Variants in CIITA observed in about 807,000 individuals in gnomAD.
The protein encoded by CIITA is class II major histocompatibility complex transactivator.
In CIITA, 72 loss-of-function variants were observed where a neutral mutation model predicts 115.1. The ratio of observed to expected loss-of-function variants is 0.63; its 90% confidence interval spans 0.52 to 0.76. CIITA has a LOEUF of 0.76. Among genes scored for constraint, CIITA ranks in the 30% least tolerant of loss-of-function variants. The pLI, the probability that CIITA is intolerant of heterozygous loss-of-function variation, is 0.00. For missense variants in CIITA, 1,617 were observed against 1,463.8 expected (o/e 1.10, Z -1.71); for synonymous variants, 763 against 635.6 (o/e 1.20, Z -3.02).
intron 1 of CIITA, among the ~76,000 whole-genome samples, chr16:10,884,469 C>T (rs1167684274): frequency 6.6e-6 from 1 of 152,144 alleles, no homozygotes; most frequent in Non-Finnish European, 1.5e-5. Flanking sequence ...GGTTGGAGTG[C>T]AGTGGCACAG....
intron 13 of CIITA, among the ~76,000 whole-genome samples, chr16:10,913,853 A>G (rs2039759339): frequency 6.6e-6 from 1 of 151,968 alleles, no homozygotes; most frequent in Admixed American, 6.6e-5. Context: ...AGGCAGGAGA[A>G]TCATTTGAAA....
chr16:10,921,781 T>C (rs2040285129), intron 16 of CIITA, among the ~76,000 whole-genome samples: 1 of 152,192 alleles, frequency 6.6e-6, no homozygotes, highest in East Asian at 1.9e-4. Flanking sequence ...CTCTGGGTCT[T>C]GGTTTGCCTG....
chr16:10,876,073 C>T (rs1012456347), upstream of CIITA, among the ~76,000 whole-genome samples: 4 of 152,150 alleles, frequency 2.6e-5, no homozygotes, highest in African/African-American at 9.7e-5. Context: ...TCAGTTGAAC[C>T]CAGAACCCGG....
At chr16:10,899,761 G>A (rs2038520360) in intron 5 of CIITA, among the ~76,000 whole-genome samples, 1 of 152,200 alleles carries the variant, frequency 6.6e-6, no homozygotes, top group South Asian at 2.1e-4. Context: ...CGCACACAGG[G>A]TATGAGATTT....
chr16:10,903,965 A>T, intron 9 of CIITA, 70 bp downstream of exon 9: 1 of 1,602,470 alleles, frequency 6.2e-7, no homozygotes, highest in Non-Finnish European at 8.5e-7. Flanking sequence ...AATTGTCTCA[A>T]ATAAGATCCA....
chr16:10,941,555 G>T lies in CIITA; in HGVS notation n.681G>T, dbSNP rs1192850703. On this transcript the variant is annotated non_coding_transcript_exon_variant, in exon 2 of 2. Coordinates refer to the CIITA transcript ENST00000573379. The surrounding 1 kb of genome is among the most constrained non-coding windows in gnomAD (Gnocchi z 6.4). Reference sequence around the variant, plus strand: ...CCCCAACCCGCCCTCATCCTGTTCAGAGAGGGCACTTACAGGCCTCGGAGG... The same window carrying T: ...CCCCAACCCGCCCTCATCCTGTTCATAGAGGGCACTTACAGGCCTCGGAGG... 2 of 1,444,432 alleles carry T rather than the reference G, an allele frequency of 1.4e-6. No individual in the cohort carries two copies. Among genetic ancestry groups the T allele is most frequent in the Non-Finnish European group, 1.8e-6 (2 of 1,096,986 alleles). 89.5% of individuals were successfully genotyped at this position (1,444,432 alleles called of 1,614,324 possible).
rs907734223 is a variant in CIITA, at chr16:10,924,239, C to G, written c.*384C>G. The G allele has an allele frequency of 4.0e-5, 6 of 151,808 alleles. No individual in the cohort carries two copies. Among genetic ancestry groups the G allele is most frequent in the African/African-American group, 1.5e-4 (6 of 41,258 alleles). 9.4% of individuals were successfully genotyped at this position (151,808 alleles called of 1,614,324 possible). ...CTGCCACCCTGGGGAGAAAGTACTT[C>G]TTTTTTTTTATTTTTAGACAGAGTC... On this transcript the variant is annotated 3_prime_UTR_variant, in exon 20 of 20. Coordinates refer to ENST00000324288, the MANE Select transcript of CIITA (RefSeq NM_000246.4).
intron 16 of CIITA, among the ~76,000 whole-genome samples, chr16:10,921,015 T>G (rs1470800038): frequency 6.6e-6 from 1 of 152,198 alleles, no homozygotes; most frequent in Non-Finnish European, 1.5e-5. Flanking sequence ...AGTATAGGCA[T>G]GTGCCATCAC....
At chr16:10,880,155 C>T (rs1053211721) in intron 1 of CIITA, among the ~76,000 whole-genome samples, 2 of 152,208 alleles carry the variant, frequency 1.3e-5, no homozygotes, top group African/African-American at 2.4e-5. Flanking sequence ...GACCTGGTCT[C>T]CAACAATCTC....
In CIITA at chr16:10,941,914, A is replaced by T. The variant is rs1191739878; in HGVS notation, n.1040A>T. 1.2e-6 allele frequency: 2 copies of T among 1,606,506 alleles called. No individual in the cohort carries two copies. Among genetic ancestry groups the T allele is most frequent in the Non-Finnish European group, 1.7e-6 (2 of 1,177,418 alleles). ...CAGCACATTGACGAAGAACAGGCCC[A>T]CGTAGAACATAGAGGGCAGCAGCGG... On this transcript the variant is annotated non_coding_transcript_exon_variant, in exon 2 of 2. Coordinates refer to the CIITA transcript ENST00000573379. The surrounding 1 kb of genome is among the most constrained non-coding windows in gnomAD (Gnocchi z 6.4).
intron 1 of CIITA, among the ~76,000 whole-genome samples, chr16:10,893,062 G>T (rs2037756114): frequency 6.6e-6 from 1 of 152,166 alleles, no homozygotes; most frequent in South Asian, 2.1e-4. Context: ...AGGTGATGTG[G>T]CCACTAAAGC....
Position 10,906,950 on chromosome 16 carries a change from C to T in CIITA, c.1458C>T (p.His486=). Residue 486 remains histidine (H), a synonymous_variant, in exon 11 of 20, where the codon CAC becomes CAT. Transcript: ENST00000324288. ...PLVAADEVFS[H]ILKRPDRVLL... is the part of the protein sequence containing the mutation. ...TGGCGGCCGATGAGGTTTTCAGCCACATCTTGAAGAGACCTGACCGCGTTC... is the reference window on the plus strand; with the variant it reads ...TGGCGGCCGATGAGGTTTTCAGCCATATCTTGAAGAGACCTGACCGCGTTC... 1 of 1,613,218 alleles carries T rather than the reference C, an allele frequency of 6.2e-7. No homozygotes were observed. Among genetic ancestry groups the T allele is most frequent in the Non-Finnish European group, 8.5e-7 (1 of 1,180,040 alleles).
In CIITA at chr16:10,877,310, C is replaced by T; in HGVS notation, c.-21C>T. 6.2e-7 allele frequency: 1 copy of T among 1,611,004 alleles called. No homozygotes were observed. The highest frequency in any genetic ancestry group is 8.5e-7 in the Non-Finnish European group (1 of 1,178,532). ...GGCTGCCAGACTCCGGGAGCTGCTG[C>T]CTGGCTGGGATTCCTACACAATGCG... On this transcript the variant is annotated 5_prime_UTR_variant, in exon 1 of 20. Transcript: ENST00000324288.
intron 11 of CIITA, chr16:10,908,455 C>A (rs747004262): frequency 1.8e-5 from 9 of 506,310 alleles, no homozygotes; most frequent in South Asian, 1.6e-4. Context: ...TTCTTTCCAC[C>A]CCCTGAGCAC....
Position 10,933,662 on chromosome 16 carries a change from G to C in CIITA, c.*9807G>C, listed in dbSNP as rs534077979. The C allele has an allele frequency of 1.3e-4, 20 of 152,402 alleles. No homozygotes were observed. Among genetic ancestry groups the C allele is most frequent in the African/African-American group, 3.4e-4 (14 of 41,578 alleles). 9.4% of individuals were successfully genotyped at this position (152,402 alleles called of 1,614,324 possible). Reference sequence around the variant, plus strand: ...GTTCCTTCCCTCCTTAGCCCCACCTGTTCCCAGGTAGAAACCAATACCGGC... The same window carrying C: ...GTTCCTTCCCTCCTTAGCCCCACCTCTTCCCAGGTAGAAACCAATACCGGC... On this transcript the variant is annotated 3_prime_UTR_variant, in exon 20 of 20. Coordinates refer to ENST00000324288, the MANE Select transcript of CIITA (RefSeq NM_000246.4).
upstream of CIITA, among the ~76,000 whole-genome samples, chr16:10,876,353 T>A (rs2035843884): frequency 6.6e-6 from 1 of 152,090 alleles, no homozygotes; most frequent in African/African-American, 2.4e-5. Context: ...CGTCCCATTA[T>A]AAAGGGAAAA....
At chr16:10,898,762 G>T in intron 4 of CIITA, 30 bp downstream of exon 4, 1 of 1,610,916 alleles carries the variant, frequency 6.2e-7, no homozygotes, top group African/African-American at 1.3e-5. Context: ...GGAGGTCTTG[G>T]CTCAGCCTGC....
chr16:10,883,609 G>C (rs1451292577), intron 1 of CIITA, among the ~76,000 whole-genome samples: 1 of 152,206 alleles, frequency 6.6e-6, no homozygotes, highest in South Asian at 2.1e-4. Flanking sequence ...GGGGGCATCT[G>C]TGGTGTCTTT....
At chr16:10,898,072 C>T (rs1037150756) in intron 3 of CIITA, among the ~76,000 whole-genome samples, 1 of 152,238 alleles carries the variant, frequency 6.6e-6, no homozygotes, top group Non-Finnish European at 1.5e-5. Flanking sequence ...TCCAGGATCC[C>T]TTCCTCCAGG....
Sources: gnomAD v4.1 joint callset for allele counts (sites outside exome capture counted in the v4.1 genomes callset) on GRCh38, gnomAD v4.1.1 for gene constraint, Gnocchi (gnomAD v3.1) non-coding constraint, MANE v1.5 for transcripts, NCBI Gene and HGNC (gene_info 2026-07-23, HGNC 2026-07-21) for gene names.